Variants in PLCB1 observed in about 807,000 individuals in gnomAD.
PLCB1 encodes the protein phospholipase C beta 1.
A neutral mutation model predicts 161.8 loss-of-function variants in PLCB1; 46 were observed. That is an observed-to-expected ratio of 0.28 (90% CI 0.22 to 0.36). PLCB1 has a LOEUF of 0.36. Among genes scored for constraint, PLCB1 ranks in the 10% least tolerant of loss-of-function variants. The pLI is 1.00. For synonymous variants in PLCB1, 517 were observed against 503.7 expected, an observed-to-expected ratio of 1.03 and a Z score of -0.35; for missense variants, 1,016 against 1,472.5, an observed-to-expected ratio of 0.69 and a Z score of 5.07.
At position 8,844,787 on chromosome 20, in the gene PLCB1, T is replaced by C. The variant is rs6140759; in HGVS notation, c.3424-36835T>C. On this transcript the variant is annotated intron_variant, in intron 31 of 31. Coordinates refer to ENST00000338037, the MANE Select transcript of PLCB1 (RefSeq NM_015192.4). The stretch of plus-strand genomic sequence containing the variant: ...TCTTTCCTTTTATCCTCTGAACATA[T>C]GCATGCATCTTAAAAGACTACGGAT... Among the ~76,000 whole-genome samples the C allele has an allele frequency of 6.2e-3, 936 of 152,146 alleles. 31 individuals carry two copies. The South Asian group carries it at 0.071, about 12-fold the overall frequency.
At chr20:8,566,149 A>T (rs1161194889) in intron 3 of PLCB1, among the ~76,000 whole-genome samples, 2 of 152,180 alleles carry the variant, frequency 1.3e-5, no homozygotes, top group African/African-American at 4.8e-5. Flanking sequence ...AACTATGTGC[A>T]ATTTTACAAA....
chr20:8,137,825 A>C (rs1389495767), intron 1 of PLCB1, among the ~76,000 whole-genome samples: 1 of 152,152 alleles, frequency 6.6e-6, no homozygotes, highest in Non-Finnish European at 1.5e-5. Flanking sequence ...CTTGTTTTTA[A>C]TCTAATAAGC....
At chr20:8,215,690 C>A (rs1979083478) in intron 2 of PLCB1, among the ~76,000 whole-genome samples, 1 of 151,940 alleles carries the variant, frequency 6.6e-6, no homozygotes, top group African/African-American at 2.4e-5. Context: ...GCTCCGTGAC[C>A]ATCAGTATTG....
chr20:8,203,516 G>A (rs763535500), intron 2 of PLCB1, among the ~76,000 whole-genome samples: 2 of 152,134 alleles, frequency 1.3e-5, no homozygotes, highest in Non-Finnish European at 2.9e-5. Context: ...TAAGGAAAAT[G>A]AGTTTGGGCT....
intron 1 of PLCB1, among the ~76,000 whole-genome samples, chr20:8,136,546 A>G (rs1168978513): frequency 6.6e-6 from 1 of 151,944 alleles, no homozygotes; most frequent in Non-Finnish European, 1.5e-5. Context: ...GAATGGCGTG[A>G]ACCTGGGAGG....
chr20:8,790,375 C>A, intron 31 of PLCB1, 114 bp downstream of exon 31: 1 of 686,956 alleles, frequency 1.5e-6, no homozygotes, highest in Non-Finnish European at 2.5e-6. Flanking sequence ...TCAGTTCTTG[C>A]ATATGAAACT....
intron 2 of PLCB1, among the ~76,000 whole-genome samples, chr20:8,169,926 G>A (rs934361527): frequency 3.3e-5 from 5 of 152,152 alleles, no homozygotes; most frequent in African/African-American, 1.2e-4. Flanking sequence ...CTGAATTCTC[G>A]ACCCTTTGAA....
At chr20:8,485,101 A>G (rs548061677) in intron 3 of PLCB1, among the ~76,000 whole-genome samples, 1 of 152,250 alleles carries the variant, frequency 6.6e-6, no homozygotes, top group East Asian at 1.9e-4. Context: ...AACCCCATCC[A>G]GTGGGTACTG....
intron 3 of PLCB1, among the ~76,000 whole-genome samples, chr20:8,603,268 G>A (rs927821143): frequency 2.6e-5 from 4 of 151,990 alleles, no homozygotes; most frequent in Admixed American, 6.6e-5. Context: ...AATACATCTC[G>A]GGAATCAAGT....
chr20:8,758,556 G>T (rs1238194196), intron 24 of PLCB1, among the ~76,000 whole-genome samples: 1 of 151,972 alleles, frequency 6.6e-6, no homozygotes, highest in East Asian at 1.9e-4. Flanking sequence ...ACTCCAGCCT[G>T]AGTGACAGAG....
intron 3 of PLCB1, among the ~76,000 whole-genome samples, chr20:8,601,330 C>G (rs1403022159): frequency 6.6e-6 from 1 of 152,104 alleles, no homozygotes; most frequent in East Asian, 1.9e-4. Context: ...AGGTATTAAG[C>G]CTAGTACCCA....
chr20:8,799,089 A>T (rs1221260273), intron 31 of PLCB1, among the ~76,000 whole-genome samples: 1 of 152,190 alleles, frequency 6.6e-6, no homozygotes, highest in Non-Finnish European at 1.5e-5. Context: ...TAAAACTTAG[A>T]TTCGCATGGA....
intron 9 of PLCB1, among the ~76,000 whole-genome samples, chr20:8,664,108 G>A (rs1989752453): frequency 6.6e-6 from 1 of 151,982 alleles, no homozygotes; most frequent in Non-Finnish European, 1.5e-5. Flanking sequence ...GTGGAGATCA[G>A]GTGTTCATGA....
In PLCB1 at chr20:8,178,542, C is replaced by A. The variant is rs74708878; in HGVS notation, c.177+28171C>A. ...TTTGTTATAGATTCTGGATATTAGA[C>A]CTTTTTCAGTTTGCAAATGTTTTCT... On this transcript the variant is annotated intron_variant, in intron 2 of 31. Transcript: ENST00000338037. Among the ~76,000 whole-genome samples, 390 of 152,174 alleles carry A rather than the reference C, an allele frequency of 2.6e-3. 2 individuals are homozygous for A. Among genetic ancestry groups the A allele is most frequent in the African/African-American group, 8.8e-3 (367 of 41,550 alleles).
intron 4 of PLCB1, among the ~76,000 whole-genome samples, chr20:8,634,452 T>G (rs1249944727): frequency 1.3e-5 from 2 of 152,206 alleles, no homozygotes; most frequent in African/African-American, 4.8e-5. Flanking sequence ...CAGTTTCTTG[T>G]GCACAATCTA....
chr20:8,503,619 A>G (rs569987999), intron 3 of PLCB1, among the ~76,000 whole-genome samples: 1 of 152,304 alleles, frequency 6.6e-6, no homozygotes, highest in South Asian at 2.1e-4. Flanking sequence ...TGAGAAAAGA[A>G]AGTGATATAT....
chr20:8,662,258 T>C (rs1472800200), intron 9 of PLCB1, among the ~76,000 whole-genome samples: 31 of 92,962 alleles, frequency 3.3e-4, no homozygotes, highest in Admixed American at 1.3e-3. Context: ...TATATAATTC[T>C]ATACATAAGT....
intron 2 of PLCB1, among the ~76,000 whole-genome samples, chr20:8,265,640 T>C (rs965800962): frequency 1.3e-5 from 2 of 152,190 alleles, no homozygotes; most frequent in Non-Finnish European, 2.9e-5. Context: ...CTGCAACATA[T>C]GAACTTCAGT....
At chr20:8,483,035 T>C (rs1049838580) in intron 3 of PLCB1, among the ~76,000 whole-genome samples, 2 of 152,158 alleles carry the variant, frequency 1.3e-5, no homozygotes, top group Non-Finnish European at 2.9e-5. Context: ...CATTGTTCTC[T>C]CGATCGATGG....
Sources: gnomAD v4.1 joint callset for allele counts (sites outside exome capture counted in the v4.1 genomes callset) on GRCh38, gnomAD v4.1.1 for gene constraint, MANE v1.5 for transcripts, NCBI Gene and HGNC (gene_info 2026-07-23, HGNC 2026-07-21) for gene names.